Variants in RIN3 observed in about 807,000 individuals in gnomAD.
The protein encoded by RIN3 is RAB5 interacting protein 3.
Under a neutral mutation model 76.3 loss-of-function variants are expected in RIN3, and 54 were observed. That is an observed-to-expected ratio of 0.71 (90% CI 0.57 to 0.89). The LOEUF (loss-of-function observed/expected upper bound fraction) is 0.89, where lower values mean the gene tolerates loss of function less well. Among genes scored for constraint, RIN3 ranks in the 40% least tolerant of loss-of-function variants. RIN3 has a pLI of 0.00. For synonymous variants in RIN3, 576 were observed against 564.0 expected (o/e 1.02, Z -0.30); for missense variants, 1,256 against 1,322.1 (o/e 0.95, Z 0.78).
intron 2 of RIN3, among the ~76,000 whole-genome samples, chr14:92,575,013 T>G (rs1898178121): frequency 6.6e-6 from 1 of 152,132 alleles, no homozygotes; most frequent in African/African-American, 2.4e-5. Context: ...TGGGGATAAC[T>G]ATAGTGTTTC....
intron 4 of RIN3, chr14:92,615,699 C>T (rs1885932390): frequency 1.8e-6 from 1 of 548,730 alleles, no homozygotes; most frequent in Non-Finnish European, 3.3e-6. Flanking sequence ...CCACACCTGC[C>T]CCTCTGGCTC....
chr14:92,650,227 C>T lies in RIN3; in HGVS notation c.533-1355C>T, dbSNP rs557598562. ...GTTCCTATGAAGGAAGGCCGCCTAA[C>T]ACGGAGGCTAAACACACAGGCTGTA... On this transcript the variant is annotated intron_variant, in intron 5 of 9. Coordinates refer to ENST00000216487, the MANE Select transcript of RIN3 (RefSeq NM_024832.5). Among the ~76,000 whole-genome samples, 4 of 152,356 alleles carry T rather than the reference C, an allele frequency of 2.6e-5. 1 individual carries two copies. Among genetic ancestry groups the T allele is most frequent in the South Asian group, 4.1e-4 (2 of 4,830 alleles).
intron 7 of RIN3, among the ~76,000 whole-genome samples, chr14:92,666,748 C>T (rs58451393): frequency 0.013 from 1,991 of 152,304 alleles, 49 homozygotes; most frequent in African/African-American, 0.045. Flanking sequence ...CCCAAGAAAC[C>T]TCTTCAAGAT....
In RIN3 at chr14:92,681,611, T is replaced by C. The variant is rs1888665069; in HGVS notation, c.2468-3376T>C. Among the ~76,000 whole-genome samples the C allele has an allele frequency of 2.0e-5, 3 of 152,130 alleles. No homozygotes were observed. Among genetic ancestry groups the C allele is most frequent in the Non-Finnish European group, 4.4e-5 (3 of 68,010 alleles). On this transcript the variant is annotated intron_variant, in intron 8 of 9. Transcript: ENST00000216487. This position sits in a 1 kb window ranked among gnomAD's most constrained non-coding sequence, Gnocchi z 4.7. ...GTTCTCTGACTCCAAAACTGAAGGT[T>C]TGCAGTCAGCACACTGCACTCACCT... is the stretch of plus-strand genomic sequence containing the variant.
At chr14:92,579,265 G>C (rs1336189196) in intron 3 of RIN3, among the ~76,000 whole-genome samples, 3 of 152,202 alleles carry the variant, frequency 2.0e-5, no homozygotes, top group African/African-American at 7.2e-5. Flanking sequence ...TAATTTGTTA[G>C]TTTTACAAAG....
chr14:92,658,583 T>G (rs932749099), intron 6 of RIN3, among the ~76,000 whole-genome samples: 2 of 152,174 alleles, frequency 1.3e-5, no homozygotes, highest in Non-Finnish European at 2.9e-5. Context: ...CAAGAGACTA[T>G]AAGGGCCAGG....
chr14:92,538,669 G>A (rs1393229449), intron 1 of RIN3, among the ~76,000 whole-genome samples: 1 of 152,172 alleles, frequency 6.6e-6, no homozygotes, highest in Non-Finnish European at 1.5e-5. Context: ...TGCGGTCTTA[G>A]CCAGAACAAG....
At chr14:92,661,253 A>C (rs1217315103) in intron 7 of RIN3, among the ~76,000 whole-genome samples, 1 of 152,220 alleles carries the variant, frequency 6.6e-6, no homozygotes, top group Non-Finnish European at 1.5e-5. Flanking sequence ...TCCCCTGGAG[A>C]AGGGCAGGCC....
At chr14:92,657,429 G>A (rs1009768171) in intron 6 of RIN3, among the ~76,000 whole-genome samples, 1 of 152,140 alleles carries the variant, frequency 6.6e-6, no homozygotes, top group Admixed American at 6.5e-5. Context: ...TTTGATTAGG[G>A]AGACAAGTCA....
chr14:92,613,419 C>A (rs564784020), intron 3 of RIN3, among the ~76,000 whole-genome samples: 4 of 152,266 alleles, frequency 2.6e-5, no homozygotes, highest in Non-Finnish European at 5.9e-5. Flanking sequence ...TATTTAAATT[C>A]TCTTTTAAAA....
At chr14:92,581,120 G>A (rs1898421562) in intron 3 of RIN3, among the ~76,000 whole-genome samples, 1 of 152,176 alleles carries the variant, frequency 6.6e-6, no homozygotes, top group Non-Finnish European at 1.5e-5. Context: ...AGAAGAGGTA[G>A]GGCTGTTTGG....
chr14:92,688,300 C>T lies in RIN3; in HGVS notation c.*48C>T, dbSNP rs1458880403. The T allele has an allele frequency of 6.1e-6, 9 of 1,465,706 alleles. No individual in the cohort carries two copies. The East Asian group carries it at 1.5e-4, about 24-fold the overall frequency. 90.8% of individuals were successfully genotyped at this position (1,465,706 alleles called of 1,614,324 possible). On this transcript the variant is annotated 3_prime_UTR_variant, in exon 10 of 10. Transcript: ENST00000216487. Reference sequence around the variant, plus strand: ...TCACCCCCAGGCGCACGTCTGGCCCCGCCTCTGGCTGCGCACTCCCGACCG... The same window carrying T: ...TCACCCCCAGGCGCACGTCTGGCCCTGCCTCTGGCTGCGCACTCCCGACCG...
chr14:92,574,585 C>G (rs1898161629), intron 2 of RIN3, among the ~76,000 whole-genome samples: 1 of 152,158 alleles, frequency 6.6e-6, no homozygotes, highest in Non-Finnish European at 1.5e-5. Flanking sequence ...TTGGGGGCTG[C>G]TTTTTGTTAA....
intron 1 of RIN3, among the ~76,000 whole-genome samples, chr14:92,527,979 G>A (rs113007528): frequency 0.029 from 4,364 of 152,044 alleles, 95 homozygotes; most frequent in Middle Eastern, 0.11. Context: ...TTGTTTCATA[G>A]TGGAGCCACG....
chr14:92,576,016 C>T (rs1898216376), intron 2 of RIN3, among the ~76,000 whole-genome samples: 1 of 152,138 alleles, frequency 6.6e-6, no homozygotes, highest in African/African-American at 2.4e-5. Flanking sequence ...CAAACGCTAA[C>T]CCAGAAGCTT....
chr14:92,540,462 G>A (rs763997572), intron 1 of RIN3, among the ~76,000 whole-genome samples: 2 of 152,244 alleles, frequency 1.3e-5, no homozygotes, highest in Non-Finnish European at 2.9e-5. Context: ...CCAGGGCCTT[G>A]TACAGTTATT....
At chr14:92,576,226 T>TC (rs1310708697) in intron 2 of RIN3, 7 of 1,275,536 alleles carry the variant, frequency 5.5e-6, no homozygotes, top group Non-Finnish European at 4.1e-6. Context: ...CTGCCAAGAC[T>TC]CAAAGGACAT....
intron 4 of RIN3, among the ~76,000 whole-genome samples, chr14:92,617,604 A>G (rs997923423): frequency 5.3e-5 from 8 of 152,196 alleles, no homozygotes; most frequent in African/African-American, 1.4e-4. Flanking sequence ...AACTATCACT[A>G]TGACTATTGG....
At chr14:92,581,028 G>C (rs761218255) in intron 3 of RIN3, among the ~76,000 whole-genome samples, 1 of 152,242 alleles carries the variant, frequency 6.6e-6, no homozygotes, top group Non-Finnish European at 1.5e-5. Flanking sequence ...GTCCAGCGGG[G>C]AAGAAAGTGT....
Sources: allele counts gnomAD v4.1 joint callset (sites outside exome capture counted in the v4.1 genomes callset), GRCh38; gene constraint gnomAD v4.1.1; non-coding constraint Gnocchi (gnomAD v3.1); transcripts MANE v1.5; gene names NCBI Gene and HGNC (gene_info 2026-07-23, HGNC 2026-07-21).